DPY19L2: variants seen among roughly 807,000 people sequenced by gnomAD.
The protein encoded by DPY19L2 is dpy-19 like 2.
A neutral mutation model predicts 97.9 loss-of-function variants in DPY19L2; 34 were observed. That is an observed-to-expected ratio of 0.35 (90% CI 0.26 to 0.46). The LOEUF is 0.46. DPY19L2 is among the 20% of genes least tolerant of loss of function. The pLI is 1.00. For missense variants in DPY19L2, 623 were observed against 911.4 expected (o/e 0.68, Z 4.07); for synonymous variants, 230 against 307.9 (o/e 0.75, Z 2.65).
At chr12:63,623,559 C>T (rs531272901) in intron 8 of DPY19L2, among the ~76,000 whole-genome samples, 2 of 152,112 alleles carry the variant, frequency 1.3e-5, no homozygotes, top group African/African-American at 4.8e-5. Flanking sequence ...AAACCTGTAG[C>T]CTACACTCTT....
At chr12:63,620,045 A>T in intron 9 of DPY19L2, 1 of 440,654 alleles carries the variant, frequency 2.3e-6, no homozygotes, top group Non-Finnish European at 4.5e-6. Context: ...GGCTATTGGC[A>T]GCATGAGACT....
At chr12:63,587,196 T>C (rs1398121196) in intron 16 of DPY19L2, among the ~76,000 whole-genome samples, 2 of 152,082 alleles carry the variant, frequency 1.3e-5, no homozygotes, top group African/African-American at 4.8e-5. Context: ...AAGAATATCC[T>C]TTATAATAAA....
At position 63,594,079 on chromosome 12, in the gene DPY19L2, A is replaced by G; in HGVS notation, c.1580+8T>C. ...TGTATGTTTTAAAAACAATGATGAT[A>G]TAATTACCTTAGATAAATGTTTGTA... is the stretch of plus-strand genomic sequence containing the variant. On this transcript the variant is annotated splice_region_variant and intron_variant, in intron 16 of 21. Coordinates refer to ENST00000324472, the MANE Select transcript of DPY19L2 (RefSeq NM_173812.5). The G allele has an allele frequency of 6.7e-7, 1 of 1,496,536 alleles. No individual in the cohort carries two copies. The highest frequency in any genetic ancestry group is 9.2e-7 in the Non-Finnish European group (1 of 1,092,050). The allele number at this position is 1,496,536 out of a possible 1,614,324, so 92.7% of individuals were successfully genotyped here.
chr12:63,597,615 C>G (rs1053715095), intron 14 of DPY19L2, among the ~76,000 whole-genome samples, 194 bp downstream of exon 14: 1 of 146,246 alleles, frequency 6.8e-6, no homozygotes, highest in Admixed American at 6.9e-5. Flanking sequence ...TCATCAATAA[C>G]TCTATAAGAT....
intron 4 of DPY19L2, among the ~76,000 whole-genome samples, chr12:63,659,387 C>T (rs1895383856): frequency 6.6e-6 from 1 of 151,700 alleles, no homozygotes; most frequent in Non-Finnish European, 1.5e-5. Flanking sequence ...ATACCATGAT[C>T]GTGGATTGGA....
intron 6 of DPY19L2, among the ~76,000 whole-genome samples, chr12:63,632,554 T>A (rs985855165): frequency 6.6e-6 from 1 of 152,006 alleles, no homozygotes; most frequent in African/African-American, 2.4e-5. Context: ...CACTGCTCAA[T>A]GAAATAAAAT....
At chr12:63,635,863 T>C (rs1380690110) in intron 6 of DPY19L2, among the ~76,000 whole-genome samples, 1 of 152,158 alleles carries the variant, frequency 6.6e-6, no homozygotes, top group African/African-American at 2.4e-5. Context: ...TTGAAGATAT[T>C]ATCCAGGAAA....
rs1223031945 is a variant in DPY19L2 at position 63,596,451 on chromosome 12, GACTAAA to G, written c.1462-420_1462-415del. 4.3e-4 allele frequency among the ~76,000 whole-genome samples: 65 copies of G among 152,268 alleles called. 1 individual carries two copies. The highest frequency in any genetic ancestry group is 8.5e-4 in the Non-Finnish European group (58 of 68,016). ...AGAAAGAACGCTAACCAAAGTTAAT[GACTAAA>G]ACTATGAATAAGTACAGAAATAACA... On this transcript the variant is annotated intron_variant, in intron 14 of 21. Transcript: ENST00000324472.
chr12:63,636,012 A>T (rs7298882), intron 6 of DPY19L2, among the ~76,000 whole-genome samples: 45,098 of 151,810 alleles, frequency 0.3, 7,667 homozygotes, highest in African/African-American at 0.48. Context: ...GAAAAAATGT[A>T]AAGGGCAGCC....
intron 21 of DPY19L2, among the ~76,000 whole-genome samples, chr12:63,563,473 G>A (rs1877032450): frequency 6.6e-6 from 1 of 152,148 alleles, no homozygotes; most frequent in Admixed American, 6.5e-5. Flanking sequence ...ATACTGAATT[G>A]TGTCAAATAC....
At chr12:63,641,829 A>G (rs1347657966) in intron 6 of DPY19L2, among the ~76,000 whole-genome samples, 1 of 152,166 alleles carries the variant, frequency 6.6e-6, no homozygotes, top group Non-Finnish European at 1.5e-5. Flanking sequence ...TTAAATTAGA[A>G]TTACTGAGTT....
intron 21 of DPY19L2, among the ~76,000 whole-genome samples, chr12:63,566,923 T>C (rs1877834025): frequency 1.3e-5 from 2 of 152,124 alleles, no homozygotes; most frequent in South Asian, 2.1e-4. Context: ...TTTCAATGCA[T>C]AATTACAATG....
At chr12:63,611,830 T>C (rs934084106) in intron 11 of DPY19L2, among the ~76,000 whole-genome samples, 7 of 151,826 alleles carry the variant, frequency 4.6e-5, no homozygotes, top group African/African-American at 1.7e-4. Flanking sequence ...TAAATGAAAG[T>C]GAAGTGGGGA....
At position 63,645,790 on chromosome 12, in the gene DPY19L2, A is replaced by G. The variant is rs535255033; in HGVS notation, c.710-1294T>C. On this transcript the variant is annotated intron_variant, in intron 5 of 21. Coordinates refer to ENST00000324472, the MANE Select transcript of DPY19L2 (RefSeq NM_173812.5). ...TTTCCTGCAATCACTTGTTGAGAAT[A>G]TAATTGTCTCCTACCTGGCCTCCCT... 2.0e-5 allele frequency among the ~76,000 whole-genome samples: 3 copies of G among 152,268 alleles called. No individual in the cohort carries two copies. The East Asian group carries it at 5.8e-4, about 29-fold the overall frequency.
chr12:63,623,747 C>G, intron 8 of DPY19L2: 2 of 261,556 alleles, frequency 7.6e-6, no homozygotes, highest in South Asian at 1.0e-4. Context: ...CTCTCTTGCC[C>G]AGGCTGGAGT....
intron 19 of DPY19L2, among the ~76,000 whole-genome samples, chr12:63,576,742 A>C (rs182059489): frequency 6.6e-6 from 1 of 151,966 alleles, no homozygotes; most frequent in African/African-American, 2.4e-5. Flanking sequence ...GAAATGAAAG[A>C]TCTCTAGAAT....
At chr12:63,625,851 T>C (rs1889439678) in intron 7 of DPY19L2, among the ~76,000 whole-genome samples, 1 of 151,600 alleles carries the variant, frequency 6.6e-6, no homozygotes, top group Non-Finnish European at 1.5e-5. Context: ...ATTGTGTTAA[T>C]ACTATATTGT....
chr12:63,565,113 A>G (rs1413682143), intron 21 of DPY19L2, among the ~76,000 whole-genome samples: 1 of 152,138 alleles, frequency 6.6e-6, no homozygotes, highest in African/African-American at 2.4e-5. Flanking sequence ...GTTTCTTTAT[A>G]TTTAAGTAAA....
chr12:63,622,718 G>A (rs930944424), intron 8 of DPY19L2, among the ~76,000 whole-genome samples: 4 of 152,128 alleles, frequency 2.6e-5, no homozygotes, highest in Admixed American at 2.0e-4. Context: ...TTGAGGTCAG[G>A]AGTTCGAGAC....
Sources: allele counts gnomAD v4.1 joint callset (sites outside exome capture counted in the v4.1 genomes callset), GRCh38; gene constraint gnomAD v4.1.1; transcripts MANE v1.5; gene names NCBI Gene and HGNC (gene_info 2026-07-23, HGNC 2026-07-21).